The following BPNT1 variants were observed in gnomAD, a reference collection of about 807,000 sequenced individuals.
The protein encoded by BPNT1 is 3'(2'),5'-bisphosphate nucleotidase 1.
In BPNT1, 28 loss-of-function variants were observed where a neutral mutation model predicts 36.9. That is an observed-to-expected ratio of 0.76 (90% CI 0.56 to 1.04). BPNT1 has a LOEUF of 1.04. BPNT1 is among the 50% of genes least tolerant of loss of function. BPNT1 has a pLI of 0.00. For synonymous variants in BPNT1, 119 were observed against 130.9 expected, an observed-to-expected ratio of 0.91 and a Z score of 0.62; for missense variants, 313 against 372.9, an observed-to-expected ratio of 0.84 and a Z score of 1.32.
At chr1:220,082,063 A>AAT (rs369837553) in intron 1 of BPNT1, among the ~76,000 whole-genome samples, 4,208 of 110,088 alleles carry the variant, frequency 0.038, 76 homozygotes, top group East Asian at 0.093. Context: ...TTCCAAGGAC[A>AAT]ATATATATAT....
In BPNT1 at chr1:220,066,669, C is replaced by T. The variant is rs533964882; in HGVS notation, c.474+633G>A. Among the ~76,000 whole-genome samples, 4 of 152,130 alleles carry T rather than the reference C, an allele frequency of 2.6e-5. No homozygotes were observed. In the South Asian group the frequency reaches 8.3e-4, roughly 32 times the overall value. The stretch of plus-strand genomic sequence containing the variant: ...TTCTTGCTTTGAAATTACACTAGTC[C>T]CTTGCTTCTATGGAAGGCAATTTAT... On this transcript the variant is annotated intron_variant, in intron 6 of 8. Transcript: ENST00000322067.
At chr1:220,080,429 G>A (rs1461233696) in intron 1 of BPNT1, among the ~76,000 whole-genome samples, 2 of 152,104 alleles carry the variant, frequency 1.3e-5, no homozygotes, top group Non-Finnish European at 2.9e-5. Context: ...GGCAAGAACC[G>A]CAATTACTTC....
Position 220,057,659 on chromosome 1 carries a change from C to A in BPNT1, c.*1185G>T. ...CTTATAATGATGCCACAAGAATAAACTAATCCCCAAAGTCGAGAATGTATA... is the reference window on the plus strand; with the variant it reads ...CTTATAATGATGCCACAAGAATAAAATAATCCCCAAAGTCGAGAATGTATA... On this transcript the variant is annotated 3_prime_UTR_variant, in exon 9 of 9. Coordinates refer to ENST00000322067, the MANE Select transcript of BPNT1 (RefSeq NM_006085.6). 2.7e-6 allele frequency: 1 copy of A among 367,572 alleles called. No homozygotes were observed. The highest frequency in any genetic ancestry group is 5.3e-6 in the Non-Finnish European group (1 of 187,778). The allele number at this position is 367,572 out of a possible 1,614,324, so 22.8% of individuals were successfully genotyped here.
In BPNT1 at chr1:220,073,949, G is replaced by A; in HGVS notation, c.225+18C>T. 6.2e-7 allele frequency: 1 copy of A among 1,600,076 alleles called. No individual in the cohort carries two copies. The highest frequency in any genetic ancestry group is 8.6e-7 in the Non-Finnish European group (1 of 1,168,878). ...TGGTAAACAGAGATTTTAAAAAAAT[G>A]TCTCTGATGACGCTTACCTCTTCCC... On this transcript the variant is annotated intron_variant, in intron 3 of 8. Transcript: ENST00000322067.
intron 5 of BPNT1, among the ~76,000 whole-genome samples, chr1:220,068,645 T>C (rs1004678056): frequency 2.0e-5 from 3 of 151,574 alleles, no homozygotes; most frequent in Non-Finnish European, 2.9e-5. Flanking sequence ...ACCCCATCTC[T>C]CCTAAAAATA....
intron 7 of BPNT1, among the ~76,000 whole-genome samples, chr1:220,060,364 T>G (rs1662910806): frequency 6.6e-6 from 1 of 152,070 alleles, no homozygotes; most frequent in South Asian, 2.1e-4. Flanking sequence ...TAATCCTAGC[T>G]ACTTGGGAGG....
At chr1:220,059,041 G>C (rs763002526) in intron 8 of BPNT1, 49 bp from the exon 9 acceptor site, 3 of 1,597,104 alleles carry the variant, frequency 1.9e-6, no homozygotes, top group Non-Finnish European at 2.6e-6. Context: ...TAATTGGATT[G>C]TGGTTTTTCT....
chr1:220,076,041 T>A lies in BPNT1; in HGVS notation c.121-1970A>T, dbSNP rs186515488. The stretch of plus-strand genomic sequence containing the variant: ...GTTTATTTTGGCATTTTTCTCCATT[T>A]CCTACTTTTCATAATAAAAAAAACT... On this transcript the variant is annotated intron_variant, in intron 2 of 8. Transcript: ENST00000322067. 7.5e-3 allele frequency among the ~76,000 whole-genome samples: 1,148 copies of A among 152,264 alleles called. 8 individuals carry two copies. Among genetic ancestry groups the A allele is most frequent in the Non-Finnish European group, 0.013 (855 of 68,022 alleles).
At chr1:220,072,809 G>A in intron 4 of BPNT1, 41 bp downstream of exon 4, 1 of 1,515,568 alleles carries the variant, frequency 6.6e-7, no homozygotes, top group Non-Finnish European at 9.1e-7. Flanking sequence ...ATGGCAAAAA[G>A]CCCAGGTTAA....
intron 2 of BPNT1, among the ~76,000 whole-genome samples, chr1:220,076,117 C>T (rs768150069): frequency 3.9e-5 from 6 of 152,148 alleles, no homozygotes; most frequent in East Asian, 3.9e-4. Context: ...GCCTGTAATC[C>T]GAGCACTTTG....
At position 220,058,555 on chromosome 1, in the gene BPNT1, G is replaced by T; in HGVS notation, c.*289C>A. 1.1e-6 allele frequency: 1 copy of T among 943,824 alleles called. No homozygotes were observed. The highest frequency in any genetic ancestry group is 8.1e-5 in the East Asian group (1 of 12,406). The allele number at this position is 943,824 out of a possible 1,614,324, so 58.5% of individuals were successfully genotyped here. A position where few individuals can be genotyped will look rare whatever the true frequency, so the allele number is the denominator to read the frequency against. ...TTTTGTTTTTTTTTTTTCTGAGACA[G>T]GGCTTAACTCCTGTCACTCAGGCTG... On this transcript the variant is annotated 3_prime_UTR_variant, in exon 9 of 9. Transcript: ENST00000322067.
chr1:220,079,810 C>T lies in BPNT1; in HGVS notation c.37G>A (p.Ala13Thr). 1 of 1,613,728 alleles carries T rather than the reference C, an allele frequency of 6.2e-7. No individual in the cohort carries two copies. The highest frequency in any genetic ancestry group is 1.1e-5 in the South Asian group (1 of 91,078). Residue 13 changes from alanine to threonine, a missense_variant, in exon 2 of 9, where the codon GCC becomes ACC. Transcript: ENST00000322067. ...TTTTGAGCAATAGAATATGCGGAGG[C>T]TACCAACCGCATCAACACAGTGTTA... The part of the protein sequence containing the change: ...SSNTVLMRLV[A>T]SAYSIAQKAG...
At chr1:220,070,231 T>A (rs1185992500) in intron 4 of BPNT1, among the ~76,000 whole-genome samples, 2 of 152,218 alleles carry the variant, frequency 1.3e-5, no homozygotes, top group Non-Finnish European at 2.9e-5. Flanking sequence ...TCCTTCTGTT[T>A]AGGACATTTA....
intron 1 of BPNT1, among the ~76,000 whole-genome samples, chr1:220,087,597 T>G (rs1051760580): frequency 2.0e-5 from 3 of 151,970 alleles, no homozygotes; most frequent in Non-Finnish European, 4.4e-5. Flanking sequence ...AAATTAAAAC[T>G]TCTACATGGC....
chr1:220,066,747 G>A (rs887261833), intron 6 of BPNT1, among the ~76,000 whole-genome samples: 6 of 152,148 alleles, frequency 3.9e-5, no homozygotes, highest in African/African-American at 1.4e-4. Flanking sequence ...AAAAAAGAAT[G>A]CAAGAGCATA....
At chr1:220,066,028 T>G (rs1663502679) in intron 6 of BPNT1, 1 of 1,448,888 alleles carries the variant, frequency 6.9e-7, no homozygotes, top group African/African-American at 1.4e-5. Flanking sequence ...TGCCTGCTTC[T>G]TTTCTACCTA....
intron 2 of BPNT1, among the ~76,000 whole-genome samples, chr1:220,074,825 C>T (rs1464040807): frequency 5.3e-5 from 8 of 152,234 alleles, no homozygotes; most frequent in African/African-American, 1.7e-4. Flanking sequence ...ATCTAAAAAA[C>T]ACGAATATGA....
rs1662716669 is a variant in BPNT1 at position 220,058,482 on chromosome 1, A to C, written c.*362T>G. On this transcript the variant is annotated 3_prime_UTR_variant, in exon 9 of 9. Coordinates refer to ENST00000322067, the MANE Select transcript of BPNT1 (RefSeq NM_006085.6). ...CTTAAAATGTATTATTTTGAGAACCAAGTCTTTCTCCTAGCTAAGTAAATG... is the reference window on the plus strand; with the variant it reads ...CTTAAAATGTATTATTTTGAGAACCCAGTCTTTCTCCTAGCTAAGTAAATG... 5.1e-6 allele frequency: 5 copies of C among 986,626 alleles called. No individual in the cohort carries two copies. In the South Asian group the frequency reaches 1.8e-4, roughly 36 times the overall value. 61.1% of individuals were successfully genotyped at this position (986,626 alleles called of 1,614,324 possible).
rs1466978058 is a variant in BPNT1 at position 220,057,936 on chromosome 1, G to A, written c.*908C>T. 9.4e-7 allele frequency: 1 copy of A among 1,069,168 alleles called. No homozygotes were observed. Among genetic ancestry groups the A allele is most frequent in the Admixed American group, 2.6e-5 (1 of 38,334 alleles). 66.2% of individuals were successfully genotyped at this position (1,069,168 alleles called of 1,614,324 possible). On this transcript the variant is annotated 3_prime_UTR_variant, in exon 9 of 9. Transcript: ENST00000322067. ...CTCACACCTGTAATCCCAGCACTTTGGGAGTCCGAGGCAGACAGATCACGA... is the reference window on the plus strand; with the variant it reads ...CTCACACCTGTAATCCCAGCACTTTAGGAGTCCGAGGCAGACAGATCACGA...
Sources: allele counts gnomAD v4.1 joint callset (sites outside exome capture counted in the v4.1 genomes callset), GRCh38; gene constraint gnomAD v4.1.1; transcripts MANE v1.5; gene names NCBI Gene and HGNC (gene_info 2026-07-23, HGNC 2026-07-21).